CES5A: variants seen among roughly 807,000 people sequenced by gnomAD.
CES5A encodes the protein carboxylesterase 5.
CES5A carries 67 observed loss-of-function variants against 62.9 expected under a neutral mutation model. The ratio of observed to expected loss-of-function variants is 1.07; its 90% confidence interval spans 0.88 to 1.31. CES5A has a LOEUF of 1.31. CES5A is among the 50% of genes most tolerant of loss of function. CES5A has a pLI of 0.00. For synonymous variants in CES5A, 296 were observed against 280.8 expected (o/e 1.05, Z -0.54); for missense variants, 748 against 708.5 (o/e 1.06, Z -0.63).
chr16:55,907,516 A>G (rs541120322), intron 1 of CES5A, among the ~76,000 whole-genome samples: 4 of 152,282 alleles, frequency 2.6e-5, no homozygotes, highest in African/African-American at 9.6e-5. Context: ...ATACTCATAG[A>G]GGTTATGTTG....
At chr16:55,938,423 G>A (rs1392775897) in intron 2 of CES5A, among the ~76,000 whole-genome samples, 4 of 151,920 alleles carry the variant, frequency 2.6e-5, no homozygotes, top group Non-Finnish European at 5.9e-5. Context: ...GGCTTAAGGG[G>A]GCAATGGTTC....
rs59768092 is a variant in CES5A, at chr16:55,905,371, C to CT, written c.-256+19951dup. On this transcript the variant is annotated intron_variant, in intron 1 of 12. Transcript: ENST00000518005. ...CTCCCCAGAATATCTTTAAATCTGACTTTTTTTTTTTTTGAGATGGAGTCT... is the reference window on the plus strand; with the variant it reads ...CTCCCCAGAATATCTTTAAATCTGACTTTTTTTTTTTTTTGAGATGGAGTCT... Among the ~76,000 whole-genome samples the CT allele has an allele frequency of 2.6e-3, 389 of 148,228 alleles. 3 individuals are homozygous for CT. Among genetic ancestry groups the CT allele is most frequent in the African/African-American group, 8.6e-3 (345 of 40,338 alleles).
upstream of CES5A, among the ~76,000 whole-genome samples, chr16:55,877,735 G>C (rs2142421201): frequency 6.6e-6 from 1 of 152,166 alleles, no homozygotes; most frequent in South Asian, 2.1e-4. Context: ...TGCTTTATTT[G>C]CATCTATTAC....
chr16:55,886,412 T>C (rs1410728534), intron 1 of CES5A, among the ~76,000 whole-genome samples: 7 of 103,648 alleles, frequency 6.8e-5, no homozygotes, highest in Non-Finnish European at 1.1e-4. Flanking sequence ...GATCTTTGTG[T>C]TTTATGTTAA....
chr16:55,856,483 C>G, intron 8 of CES5A, 38 bp from the exon 9 acceptor site: 1 of 1,601,158 alleles, frequency 6.2e-7, no homozygotes, highest in East Asian at 2.2e-5. Flanking sequence ...GCCATCTGGT[C>G]ATGAGAAGGT....
At chr16:55,922,514 T>G (rs1312665895) in intron 1 of CES5A, among the ~76,000 whole-genome samples, 5 of 151,892 alleles carry the variant, frequency 3.3e-5, no homozygotes. Flanking sequence ...AATACTTATG[T>G]ATCCAGTACC....
chr16:55,936,340 G>A (rs1412951233), intron 2 of CES5A, among the ~76,000 whole-genome samples: 3 of 152,128 alleles, frequency 2.0e-5, no homozygotes, highest in African/African-American at 7.2e-5. Flanking sequence ...TTCTCCTCCT[G>A]TGTGTGTTCG....
intron 1 of CES5A, among the ~76,000 whole-genome samples, chr16:55,903,204 T>C (rs1225142751): frequency 6.6e-6 from 1 of 152,062 alleles, no homozygotes; most frequent in Non-Finnish European, 1.5e-5. Flanking sequence ...ACTCCTGGTA[T>C]GATGCTCACC....
intron 9 of CES5A, 65 bp downstream of exon 9, chr16:55,856,312 G>T: frequency 6.8e-7 from 1 of 1,475,024 alleles, no homozygotes; most frequent in Non-Finnish European, 9.5e-7. Flanking sequence ...CCTGCTGAGT[G>T]TGACCTAGGG....
chr16:55,889,741 G>GTT (rs2033855713), intron 1 of CES5A, among the ~76,000 whole-genome samples: 2 of 151,658 alleles, frequency 1.3e-5, no homozygotes, highest in Admixed American at 6.6e-5. Context: ...AACTTTCAAT[G>GTT]TCTCTCCCTT....
rs76213401 is a variant in CES5A, at chr16:55,871,515, C to T, written c.417+110G>A. 3.7e-4 allele frequency: 459 copies of T among 1,248,876 alleles called. 3 individuals are homozygous for T. In the African/African-American group the frequency reaches 6.3e-3, roughly 17 times the overall value. The allele number at this position is 1,248,876 out of a possible 1,614,324, so 77.4% of individuals were successfully genotyped here. ...AAATTGTTGATGTGATTACATTTCC[C>T]TTTTACCCAACAGGGGGTAGTTCCA... is the stretch of plus-strand genomic sequence containing the variant. On this transcript the variant is annotated intron_variant, in intron 3 of 12. Coordinates refer to ENST00000290567, the MANE Select transcript of CES5A (RefSeq NM_001143685.2).
chr16:55,911,298 A>G (rs1008155010), intron 1 of CES5A, among the ~76,000 whole-genome samples: 2 of 152,208 alleles, frequency 1.3e-5, no homozygotes, highest in Admixed American at 6.5e-5. Context: ...GTGAAGTAGA[A>G]GCTGCCCCCA....
chr16:55,916,898 G>A (rs1052375412), intron 1 of CES5A, among the ~76,000 whole-genome samples: 4 of 152,194 alleles, frequency 2.6e-5, no homozygotes. Flanking sequence ...GTCAAAGTCA[G>A]TGACATCTTC....
At chr16:55,900,846 C>T (rs1307711856) in intron 1 of CES5A, among the ~76,000 whole-genome samples, 1 of 152,208 alleles carries the variant, frequency 6.6e-6, no homozygotes, top group Non-Finnish European at 1.5e-5. Flanking sequence ...CACTCAGTAC[C>T]TTGCCCAAGT....
chr16:55,913,629 A>G (rs1490116276), intron 1 of CES5A, among the ~76,000 whole-genome samples: 2 of 152,234 alleles, frequency 1.3e-5, no homozygotes, highest in East Asian at 3.9e-4. Context: ...CTTAAAGGTT[A>G]GAAGCAAGAT....
chr16:55,926,736 T>C (rs1165014578), upstream of CES5A, among the ~76,000 whole-genome samples: 11 of 152,210 alleles, frequency 7.2e-5, no homozygotes, highest in African/African-American at 1.4e-4. Flanking sequence ...TGTAGCTTTC[T>C]CTAAATATTA....
intron 1 of CES5A, 39 bp downstream of exon 1, chr16:55,875,110 C>T: frequency 6.3e-7 from 1 of 1,590,778 alleles, no homozygotes; most frequent in Middle Eastern, 1.7e-4. Context: ...TCACCCACCC[C>T]ATCTTCTGAG....
chr16:55,919,598 G>A (rs528249083), intron 1 of CES5A, among the ~76,000 whole-genome samples: 61 of 152,118 alleles, frequency 4.0e-4, no homozygotes, highest in Non-Finnish European at 7.2e-4. Context: ...AAAGGTACAC[G>A]TCAAAGCCAC....
upstream of CES5A, among the ~76,000 whole-genome samples, chr16:55,929,238 C>T (rs1022931445): frequency 6.6e-6 from 1 of 152,236 alleles, no homozygotes; most frequent in Non-Finnish European, 1.5e-5. Flanking sequence ...CCATGAGATG[C>T]TTCCCACTCT....
Sources: allele counts gnomAD v4.1 joint callset (sites outside exome capture counted in the v4.1 genomes callset), GRCh38; gene constraint gnomAD v4.1.1; transcripts MANE v1.5; gene names NCBI Gene and HGNC (gene_info 2026-07-23, HGNC 2026-07-21).